Variants in RPS6KC1 observed in about 807,000 individuals in gnomAD.
RPS6KC1 encodes the protein ribosomal protein S6 kinase C1.
Under a neutral mutation model 103.8 loss-of-function variants are expected in RPS6KC1, and 54 were observed. The observed-to-expected ratio is 0.52, with a 90% CI of 0.42 to 0.65. The LOEUF is 0.65. RPS6KC1 is among the 30% of genes least tolerant of loss of function. The probability of loss-of-function intolerance (pLI) is 0.00; values close to 1 mark genes in which losing one functional copy is unlikely to be tolerated. For missense variants in RPS6KC1, 1,151 were observed against 1,253.8 expected (o/e 0.92, Z 1.24); for synonymous variants, 439 against 438.7 (o/e 1.00, Z -0.01).
At chr1:213,560,886 C>T in the RPS6KC1 span, among the ~76,000 whole-genome samples, 20,357 of 152,096 alleles carry the variant, frequency 0.13, 1,557 homozygotes, top group Non-Finnish European at 0.17. Context: ...CTGCTTTTTG[C>T]CCCAGATGGA....
the RPS6KC1 span, among the ~76,000 whole-genome samples, chr1:213,813,706 T>G: frequency 6.6e-6 from 1 of 152,256 alleles, no homozygotes; most frequent in East Asian, 1.9e-4. Flanking sequence ...GAATCTGTTC[T>G]GTGGTGCTCA....
At chr1:213,144,831 T>G (rs1177734103) in intron 6 of RPS6KC1, among the ~76,000 whole-genome samples, 1 of 151,494 alleles carries the variant, frequency 6.6e-6, no homozygotes, top group African/African-American at 2.4e-5. Context: ...AATCCCAGAA[T>G]TTTGGGAGGC....
the RPS6KC1 span, among the ~76,000 whole-genome samples, chr1:213,802,637 A>G: frequency 6.8e-6 from 1 of 146,026 alleles, no homozygotes. Flanking sequence ...ATAACTTAGG[A>G]AAAGAAGACA....
chr1:213,223,126 T>C (rs1042745038), intron 8 of RPS6KC1, among the ~76,000 whole-genome samples: 2 of 152,248 alleles, frequency 1.3e-5, no homozygotes, highest in African/African-American at 4.8e-5. Flanking sequence ...AGTTGATATC[T>C]CATCCAGATT....
chr1:213,146,031 C>G (rs1370084829), intron 6 of RPS6KC1, among the ~76,000 whole-genome samples: 1 of 145,364 alleles, frequency 6.9e-6, no homozygotes, highest in East Asian at 2.0e-4. Flanking sequence ...TGTAACCCCC[C>G]CACTACCCTT....
At chr1:213,127,966 GA>G (rs2085174223) in intron 5 of RPS6KC1, among the ~76,000 whole-genome samples, 1 of 152,180 alleles carries the variant, frequency 6.6e-6, no homozygotes, top group African/African-American at 2.4e-5. Flanking sequence ...GAATGTAACA[GA>G]AACAGAAATT....
the RPS6KC1 span, among the ~76,000 whole-genome samples, chr1:213,700,092 G>A: frequency 6.6e-6 from 1 of 151,566 alleles, no homozygotes; most frequent in Non-Finnish European, 1.5e-5. Context: ...GGTTGCTTGA[G>A]CTTGTAGGGT....
intron 1 of RPS6KC1, among the ~76,000 whole-genome samples, chr1:213,064,056 A>C (rs2078071602): frequency 6.6e-6 from 1 of 152,038 alleles, no homozygotes; most frequent in Non-Finnish European, 1.5e-5. Flanking sequence ...CTTTATTTTT[A>C]TTTTTATTTA....
the RPS6KC1 span, among the ~76,000 whole-genome samples, chr1:213,398,945 A>G: frequency 2.0e-5 from 3 of 152,180 alleles, no homozygotes; most frequent in Non-Finnish European, 4.4e-5. Context: ...TGAAATCTCA[A>G]CAAACAACCT....
At chr1:213,480,452 A>T in the RPS6KC1 span, among the ~76,000 whole-genome samples, 7 of 151,958 alleles carry the variant, frequency 4.6e-5, no homozygotes, top group African/African-American at 1.7e-4. Flanking sequence ...AACGCTATTG[A>T]TTTTTGTGTG....
chr1:213,685,340 A>G, the RPS6KC1 span, among the ~76,000 whole-genome samples: 1 of 152,192 alleles, frequency 6.6e-6, no homozygotes, highest in Non-Finnish European at 1.5e-5. Flanking sequence ...TCTGTAAGAT[A>G]AGACTTTAGA....
At chr1:213,351,837 A>G in the RPS6KC1 span, among the ~76,000 whole-genome samples, 2 of 152,152 alleles carry the variant, frequency 1.3e-5, no homozygotes, top group Non-Finnish European at 2.9e-5. Context: ...TTAGCCATGT[A>G]GAAGGGATTT....
chr1:213,727,095 C>T, the RPS6KC1 span, among the ~76,000 whole-genome samples: 2 of 152,226 alleles, frequency 1.3e-5, no homozygotes, highest in South Asian at 2.1e-4. Context: ...ACCCACAGCA[C>T]ATTGACCCGA....
the RPS6KC1 span, among the ~76,000 whole-genome samples, chr1:213,693,793 T>A: frequency 3.3e-5 from 5 of 152,236 alleles, no homozygotes; most frequent in Non-Finnish European, 7.3e-5. Context: ...GCCTGGGTAT[T>A]GCCTTATGTG....
Position 213,129,507 on chromosome 1 carries a change from T to C in RPS6KC1, c.473-20T>C, listed in dbSNP as rs2085348708. 1 of 1,571,946 alleles carries C rather than the reference T, an allele frequency of 6.4e-7. No individual in the cohort carries two copies. Among genetic ancestry groups the C allele is most frequent in the South Asian group, 1.2e-5 (1 of 83,294 alleles). ...GATTCTCAATTTAATATCTGTTTAC[T>C]ATTGTGATCATATTTCTAGGCTTCT... On this transcript the variant is annotated intron_variant, in intron 5 of 14. Coordinates refer to ENST00000366960, the MANE Select transcript of RPS6KC1 (RefSeq NM_012424.6).
chr1:213,319,386 A>G, the RPS6KC1 span, among the ~76,000 whole-genome samples: 3 of 149,878 alleles, frequency 2.0e-5, no homozygotes, highest in Non-Finnish European at 4.4e-5. Context: ...GGAGGAAAGG[A>G]GGCTCTTTAG....
At chr1:213,633,983 G>A in the RPS6KC1 span, among the ~76,000 whole-genome samples, 1 of 145,304 alleles carries the variant, frequency 6.9e-6, no homozygotes, top group Non-Finnish European at 1.5e-5. Context: ...AGACAAAGAA[G>A]GCCATTACAT....
At chr1:213,778,762 G>C in the RPS6KC1 span, among the ~76,000 whole-genome samples, 2 of 151,948 alleles carry the variant, frequency 1.3e-5, no homozygotes, top group Non-Finnish European at 2.9e-5. Flanking sequence ...CCTGTACCTT[G>C]GTGTCTTGTT....
chr1:213,827,337 G>C, the RPS6KC1 span, among the ~76,000 whole-genome samples: 5 of 152,186 alleles, frequency 3.3e-5, no homozygotes, highest in African/African-American at 1.2e-4. Context: ...GGGCTTGCCT[G>C]CAACAACCTT....
Sources: allele counts gnomAD v4.1 joint callset (sites outside exome capture counted in the v4.1 genomes callset), GRCh38; gene constraint gnomAD v4.1.1; transcripts MANE v1.5; gene names NCBI Gene and HGNC (gene_info 2026-07-23, HGNC 2026-07-21).